Variants in MEGF6 observed in about 807,000 individuals in gnomAD.
MEGF6 encodes the protein multiple EGF like domains 6, also known as multiple epidermal growth factor-like domains protein 6.
MEGF6 carries 184 observed loss-of-function variants against 207.1 expected under a neutral mutation model. The ratio of observed to expected loss-of-function variants is 0.89; its 90% CI spans 0.79 to 1.00. The LOEUF (loss-of-function observed/expected upper bound fraction) is 1.00. MEGF6 is among the 50% of genes least tolerant of loss of function. The pLI, the probability that MEGF6 is intolerant of heterozygous loss-of-function variation, is 0.00. For missense variants in MEGF6, 2,282 were observed against 2,202.9 expected (o/e 1.04, Z -0.72); for synonymous variants, 1,038 against 910.0 (o/e 1.14, Z -2.53).
At chr1:3,591,685 A>G (rs4571911) in intron 3 of MEGF6, among the ~76,000 whole-genome samples, 3,355 of 120,012 alleles carry the variant, frequency 0.028, 105 homozygotes, top group East Asian at 0.17. Flanking sequence ...CCAGCGAGGC[A>G]GCTGGTGGGG....
chr1:3,547,616 T>A (rs563331917), intron 4 of MEGF6, among the ~76,000 whole-genome samples: 10 of 152,066 alleles, frequency 6.6e-5, no homozygotes, highest in South Asian at 6.2e-4. Flanking sequence ...CCAGGCCCCA[T>A]CCTCCCTTCC....
intron 4 of MEGF6, among the ~76,000 whole-genome samples, chr1:3,563,243 C>A (rs1643253281): frequency 6.6e-6 from 1 of 152,162 alleles, no homozygotes; most frequent in Admixed American, 6.5e-5. Context: ...TTCCCGGGGT[C>A]CAAGCCCATC....
chr1:3,541,832 G>A (rs1044653114), intron 4 of MEGF6, among the ~76,000 whole-genome samples: 1 of 152,114 alleles, frequency 6.6e-6, no homozygotes, highest in Non-Finnish European at 1.5e-5. Context: ...GGGGCACCGT[G>A]GGGGGAGTCT....
Position 3,490,437 on chromosome 1 carries a change from G to T in MEGF6, c.*91C>A, listed in dbSNP as rs1345448398. 2.8e-6 allele frequency: 4 copies of T among 1,404,528 alleles called. No individual in the cohort carries two copies. The highest frequency in any genetic ancestry group is 4.0e-6 in the Non-Finnish European group (4 of 1,010,260). The allele number at this position is 1,404,528 out of a possible 1,614,324, so 87.0% of individuals were successfully genotyped here. On this transcript the variant is annotated 3_prime_UTR_variant, in exon 37 of 37. Coordinates refer to ENST00000356575, the MANE Select transcript of MEGF6 (RefSeq NM_001409.4). ...AAGGAAGGGCAGTACCAGGAGCTCT[G>T]GGCCCGTGAAGTGTCCTTCTCAGTG...
intron 3 of MEGF6, among the ~76,000 whole-genome samples, chr1:3,583,041 A>T (rs1643836772): frequency 6.6e-6 from 1 of 152,210 alleles, no homozygotes; most frequent in Non-Finnish European, 1.5e-5. Context: ...CCGCATGGCC[A>T]GGCCAGCCAG....
At chr1:3,592,161 G>A (rs564671377) in intron 3 of MEGF6, among the ~76,000 whole-genome samples, 221 of 152,286 alleles carry the variant, frequency 1.5e-3, no homozygotes, top group Non-Finnish European at 2.4e-3. Context: ...GAGAGCAGCC[G>A]GTCTAGAGAG....
intron 5 of MEGF6, among the ~76,000 whole-genome samples, chr1:3,517,033 C>T (rs1641566915): frequency 6.6e-6 from 1 of 152,258 alleles, no homozygotes; most frequent in Non-Finnish European, 1.5e-5. Context: ...TGAGATGGCC[C>T]TGCTGAAGCC....
intron 2 of MEGF6, among the ~76,000 whole-genome samples, chr1:3,597,845 C>T (rs1010689655): frequency 1.3e-5 from 2 of 152,172 alleles, no homozygotes; most frequent in African/African-American, 2.4e-5. Context: ...CCTGGTTTGT[C>T]GGGGCTCACT....
chr1:3,542,109 C>T (rs1005516560), intron 4 of MEGF6, among the ~76,000 whole-genome samples: 15 of 152,128 alleles, frequency 9.9e-5, no homozygotes, highest in Admixed American at 2.6e-4. Flanking sequence ...CCCCGTTTCC[C>T]GTGATCCGTC....
chr1:3,495,930 G>T lies in MEGF6; in HGVS notation c.3831C>A (p.Cys1277Ter). 1 of 1,596,390 alleles carries T rather than the reference G, an allele frequency of 6.3e-7. No individual in the cohort carries two copies. ...GAACDPVTGT[C>*]LCPPGRAGVR... ...CGCCGGCTCTCCCCGGGGGGCAGAGGCAGGTGCCGGTCACAGGGTCGCAGG... is the reference window on the plus strand; with the variant it reads ...CGCCGGCTCTCCCCGGGGGGCAGAGTCAGGTGCCGGTCACAGGGTCGCAGG... The change falls in exon 30 of 37, where the codon TGC (cysteine) becomes TGA (stop). Residue 1277 changes from cysteine (C) to a stop codon, truncating the protein, a stop_gained. Transcript: ENST00000356575. LOFTEE classifies it high-confidence loss of function.
At chr1:3,612,170 A>G (rs953861186), upstream of MEGF6, among the ~76,000 whole-genome samples, 1 of 152,078 alleles carries the variant, frequency 6.6e-6, no homozygotes, top group African/African-American at 2.4e-5. Context: ...GTTCCCAACC[A>G]CCTTCTGGGC....
chr1:3,617,987 C>T, the MEGF6 span, among the ~76,000 whole-genome samples: 1 of 152,172 alleles, frequency 6.6e-6, no homozygotes, highest in African/African-American at 2.4e-5. Context: ...GCCCCCGGCC[C>T]AGAGAGGAGC....
Position 3,500,640 on chromosome 1 carries a change from G to C in MEGF6, c.2700C>G (p.Cys900Trp). The change falls in exon 21 of 37, where the codon TGC (cysteine) becomes TGG (tryptophan). Residue 900 changes from cysteine (C) to tryptophan (W), a missense_variant. Cys to Trp is a radical substitution (Grantham distance 215). Coordinates refer to ENST00000356575, the MANE Select transcript of MEGF6 (RefSeq NM_001409.4). Reference sequence around the variant, plus strand: ...GGCAGGGCCGGGACTCACGCTGCTCGCACCGCGGGCCCACGTAGCCAGCCT... The same window carrying C: ...GGCAGGGCCGGGACTCACGCTGCTCCCACCGCGGGCCCACGTAGCCAGCCT... Reference protein sequence around the residue: ...LCEAGYVGPRCEQQCPQGHFG... With the variant: ...LCEAGYVGPRWEQQCPQGHFG... The C allele has an allele frequency of 6.4e-7, 1 of 1,557,056 alleles. No individual in the cohort carries two copies. Among genetic ancestry groups the C allele is most frequent in the Non-Finnish European group, 8.7e-7 (1 of 1,150,850 alleles).
At chr1:3,544,347 G>A (rs910143074) in intron 4 of MEGF6, among the ~76,000 whole-genome samples, 11 of 151,720 alleles carry the variant, frequency 7.3e-5, no homozygotes, top group African/African-American at 2.2e-4. Context: ...GCTGCAGGGC[G>A]GCACCTGTCC....
At chr1:3,593,015 G>A (rs1024401797) in intron 3 of MEGF6, among the ~76,000 whole-genome samples, 3 of 151,892 alleles carry the variant, frequency 2.0e-5, no homozygotes, top group Non-Finnish European at 2.9e-5. Flanking sequence ...ACCCCACTCC[G>A]GCCAGCAGGG....
chr1:3,557,150 C>T (rs976562793), intron 4 of MEGF6, among the ~76,000 whole-genome samples: 7 of 152,140 alleles, frequency 4.6e-5, no homozygotes, highest in South Asian at 2.1e-4. Context: ...GGCAGGGAGA[C>T]GGCAAGACTC....
chr1:3,603,551 C>G (rs767574945), intron 1 of MEGF6, among the ~76,000 whole-genome samples: 6 of 152,152 alleles, frequency 3.9e-5, no homozygotes, highest in Non-Finnish European at 8.8e-5. Context: ...TCCCCAGAAC[C>G]AGGGCCAGGC....
chr1:3,518,979 C>T (rs1034266795), intron 5 of MEGF6, among the ~76,000 whole-genome samples: 2 of 152,190 alleles, frequency 1.3e-5, no homozygotes, highest in Admixed American at 6.5e-5. Flanking sequence ...CAGCTGTCCT[C>T]GTCCACACGC....
Position 3,495,929 on chromosome 1 carries a change from G to C in MEGF6, c.3832C>G (p.Leu1278Val), listed in dbSNP as rs781243334. ...ACGCCGGCTCTCCCCGGGGGGCAGA[G>C]GCAGGTGCCGGTCACAGGGTCGCAG... is the stretch of plus-strand genomic sequence containing the variant. The part of the protein sequence containing the change: ...AACDPVTGTC[L>V]CPPGRAGVRC... Residue 1278 changes from leucine to valine, a missense_variant, in exon 30 of 37, where the codon CTC becomes GTC. Physicochemically the swap from Leu to Val is conservative, Grantham distance 32. Transcript: ENST00000356575. The C allele has an allele frequency of 1.3e-6, 2 of 1,596,468 alleles. No homozygotes were observed. Among genetic ancestry groups the C allele is most frequent in the Non-Finnish European group, 1.7e-6 (2 of 1,178,542 alleles).
Sources: allele counts gnomAD v4.1 joint callset (sites outside exome capture counted in the v4.1 genomes callset), GRCh38; gene constraint gnomAD v4.1.1; transcripts MANE v1.5; gene names NCBI Gene and HGNC (gene_info 2026-07-23, HGNC 2026-07-21).